The following PCLO variants were observed in gnomAD, a reference collection of about 807,000 sequenced individuals.
PCLO encodes protein piccolo.
A neutral mutation model predicts 427.5 loss-of-function variants in PCLO; 82 were observed. That is an observed-to-expected ratio of 0.19 (90% confidence interval 0.16 to 0.23). The LOEUF (loss-of-function observed/expected upper bound fraction) is 0.23, where lower values mean the gene tolerates loss of function less well. PCLO is among the 10% of genes least tolerant of loss of function. The pLI is 1.00. For synonymous variants in PCLO, 2,357 were observed against 2,155.4 expected, an observed-to-expected ratio of 1.09 and a Z score of -2.59; for missense variants, 6,239 against 6,115.9, an observed-to-expected ratio of 1.02 and a Z score of -0.67.
intron 3 of PCLO, among the ~76,000 whole-genome samples, chr7:83,083,864 G>A (rs902251917): frequency 2.0e-5 from 3 of 152,084 alleles, no homozygotes; most frequent in East Asian, 3.8e-4. Flanking sequence ...TTTTAAAGGA[G>A]CTAATACATT....
At chr7:82,840,428 A>G (rs959305254) in intron 14 of PCLO, among the ~76,000 whole-genome samples, 4 of 152,114 alleles carry the variant, frequency 2.6e-5, no homozygotes, top group Admixed American at 6.6e-5. Context: ...GGTCACTGCC[A>G]TATGAATTTT....
At position 83,134,915 on chromosome 7, in the gene PCLO, G is replaced by A. The variant is rs184031015; in HGVS notation, c.2635C>T (p.Pro879Ser). 6.2e-7 allele frequency: 1 copy of A among 1,603,724 alleles called. No individual in the cohort carries two copies. Among genetic ancestry groups the A allele is most frequent in the Non-Finnish European group, 8.5e-7 (1 of 1,175,284 alleles). ...KPMPKGSPTPPGPRPTAGQTV... is the reference protein window; with the variant it reads ...KPMPKGSPTPSGPRPTAGQTV... ...TGGCCAGCGGTAGGTCGTGGGCCAG[G>A]GGGTGTTGGTGACCCTTTTGGCATT... is the stretch of plus-strand genomic sequence containing the variant. Residue 879 changes from proline to serine, a missense_variant, in exon 3 of 25, where the codon CCT becomes TCT. Coordinates refer to ENST00000333891, the MANE Select transcript of PCLO (RefSeq NM_033026.6).
chr7:83,024,350 C>A (rs534931732), intron 3 of PCLO, among the ~76,000 whole-genome samples: 10 of 152,210 alleles, frequency 6.6e-5, no homozygotes, highest in African/African-American at 2.4e-4. Flanking sequence ...TGATGGACGG[C>A]ACCTGGAAAA....
rs143461902 is a variant in PCLO at position 83,098,736 on chromosome 7, C to T, written c.3300+35514G>A. ...GAGTTACCTTCCCTGACCAACTACT[C>T]TTTTATACTCAAGGGGAAACCTCTC... On this transcript the variant is annotated intron_variant, in intron 3 of 24. Coordinates refer to ENST00000333891, the MANE Select transcript of PCLO (RefSeq NM_033026.6). Among the ~76,000 whole-genome samples, 588 of 152,232 alleles carry T rather than the reference C, an allele frequency of 3.9e-3. 5 individuals are homozygous for T. The highest frequency in any genetic ancestry group is 0.013 in the African/African-American group (561 of 41,558).
chr7:82,877,963 G>C (rs1474586607), intron 10 of PCLO, among the ~76,000 whole-genome samples: 8 of 152,164 alleles, frequency 5.3e-5, no homozygotes, highest in Non-Finnish European at 1.5e-5. Context: ...TTACAGGTGT[G>C]AGCCACCAAG....
Position 82,971,731 on chromosome 7 carries a change from T to C in PCLO, c.3301-5244A>G, listed in dbSNP as rs576505879. Among the ~76,000 whole-genome samples, 17 of 147,714 alleles carry C rather than the reference T, an allele frequency of 1.2e-4. No individual in the cohort carries two copies. The South Asian group carries it at 3.4e-3, about 29-fold the overall frequency. On this transcript the variant is annotated intron_variant, in intron 3 of 24. Transcript: ENST00000333891. ...GTAATGGAAAAAGCCACAATTACTTTTGTACCAACCATATATATATATATA... is the reference window on the plus strand; with the variant it reads ...GTAATGGAAAAAGCCACAATTACTTCTGTACCAACCATATATATATATATA...
At chr7:82,910,756 T>C (rs1466112261) in intron 7 of PCLO, among the ~76,000 whole-genome samples, 3 of 152,188 alleles carry the variant, frequency 2.0e-5, no homozygotes, top group African/African-American at 4.8e-5. Flanking sequence ...TGCTCAATAA[T>C]TATGGTTTTC....
intron 3 of PCLO, among the ~76,000 whole-genome samples, chr7:83,007,730 C>T (rs1213992908): frequency 6.6e-6 from 1 of 151,446 alleles, no homozygotes; most frequent in Non-Finnish European, 1.5e-5. Flanking sequence ...TTTTCCATCA[C>T]TTATGGTTAT....
At chr7:82,926,974 A>C (rs1019801255) in intron 6 of PCLO, among the ~76,000 whole-genome samples, 5 of 152,134 alleles carry the variant, frequency 3.3e-5, no homozygotes, top group Admixed American at 6.6e-5. Flanking sequence ...GGAACAAAAT[A>C]TATCCTGTTC....
chr7:83,066,713 T>C, intron 3 of PCLO, among the ~76,000 whole-genome samples: 1 of 152,192 alleles, frequency 6.6e-6, no homozygotes, highest in East Asian at 1.9e-4. Flanking sequence ...ATTTTCAGTT[T>C]TGCAACATGT....
rs1452805465 is a variant in PCLO at position 82,925,155 on chromosome 7, G to C, written c.11113-8282C>G. 2.0e-5 allele frequency among the ~76,000 whole-genome samples: 3 copies of C among 152,038 alleles called. No homozygotes were observed. In the East Asian group the frequency reaches 5.8e-4, roughly 29 times the overall value. ...CTCTGACTTTATTTTCTTCCGCTCTGCTCCTGGCCATTCATTCTTTTTAGG... is the reference window on the plus strand; with the variant it reads ...CTCTGACTTTATTTTCTTCCGCTCTCCTCCTGGCCATTCATTCTTTTTAGG... On this transcript the variant is annotated intron_variant, in intron 6 of 24. Coordinates refer to ENST00000333891, the MANE Select transcript of PCLO (RefSeq NM_033026.6).
chr7:82,842,652 G>A (rs1368424952), intron 13 of PCLO, among the ~76,000 whole-genome samples: 5 of 151,996 alleles, frequency 3.3e-5, no homozygotes, highest in South Asian at 2.1e-4. Flanking sequence ...TTTGCAAACC[G>A]TACATCTGAC....
chr7:83,004,886 A>G (rs546030976), intron 3 of PCLO, among the ~76,000 whole-genome samples: 5 of 151,838 alleles, frequency 3.3e-5, no homozygotes, highest in Non-Finnish European at 5.9e-5. Flanking sequence ...TTTTTTTATT[A>G]TAAGTCATAC....
intron 3 of PCLO, among the ~76,000 whole-genome samples, chr7:83,095,800 T>C (rs1211432157): frequency 6.6e-6 from 1 of 152,088 alleles, no homozygotes; most frequent in African/African-American, 2.4e-5. Context: ...TTCTATATGA[T>C]TTAAGTGCTT....
chr7:83,060,999 C>T (rs1789529963), intron 3 of PCLO, among the ~76,000 whole-genome samples: 1 of 152,096 alleles, frequency 6.6e-6, no homozygotes, highest in African/African-American at 2.4e-5. Flanking sequence ...TTTTCTGCCC[C>T]CATATAGATT....
intron 4 of PCLO, among the ~76,000 whole-genome samples, chr7:82,963,739 G>T (rs1271059302): frequency 4.0e-5 from 6 of 151,862 alleles, no homozygotes; most frequent in Non-Finnish European, 8.8e-5. Flanking sequence ...TTTACTATCT[G>T]CATTTAAATA....
At chr7:82,763,869 T>A (rs1790479487) in intron 22 of PCLO, among the ~76,000 whole-genome samples, 1 of 152,048 alleles carries the variant, frequency 6.6e-6, no homozygotes, top group Non-Finnish European at 1.5e-5. Context: ...AGATTTTATA[T>A]CCAGCTAACC....
In PCLO at chr7:82,952,702, T is replaced by C. The variant is rs1475151107; in HGVS notation, c.8251A>G (p.Thr2751Ala). The change falls in exon 5 of 25, where the codon ACA becomes GCA. Residue 2751 changes from threonine to alanine, a missense_variant. Thr to Ala is a moderately conservative substitution (Grantham distance 58, BLOSUM62 0). Around this residue, in one of 5 missense-constraint regions of PCLO, gnomAD observed 4,677 missense variants for 4,468.4 expected, o/e 1.05. Transcript: ENST00000333891. ...TDKCIDLSAS[T>A]MDVKRQITAN... is the part of the protein sequence containing the mutation. ...GTGATCTGCCTTTTCACATCCATTG[T>C]AGAAGCAGAAAGATCAATACATTTA... The C allele has an allele frequency of 1.2e-6, 2 of 1,613,788 alleles. No individual in the cohort carries two copies. Among genetic ancestry groups the C allele is most frequent in the Admixed American group, 1.7e-5 (1 of 59,994 alleles).
intron 7 of PCLO, among the ~76,000 whole-genome samples, chr7:82,911,780 G>A (rs564450285): frequency 6.1e-4 from 92 of 151,958 alleles, no homozygotes; most frequent in Non-Finnish European, 1.1e-3. Context: ...GTGCCACTAC[G>A]CCCAGCTAAT....
Sources: allele counts gnomAD v4.1 joint callset (sites outside exome capture counted in the v4.1 genomes callset), GRCh38; gene constraint gnomAD v4.1.1; regional missense constraint gnomAD v4.1.1; transcripts MANE v1.5; gene names NCBI Gene and HGNC (gene_info 2026-07-23, HGNC 2026-07-21).